The following OCA2 variants were observed in gnomAD, a reference collection of about 807,000 sequenced individuals.
OCA2 encodes the protein P protein.
OCA2 carries 77 observed loss-of-function variants against 100.2 expected under a neutral mutation model. The ratio of observed to expected loss-of-function variants is 0.77; its 90% CI spans 0.64 to 0.93. The LOEUF is 0.93. Among genes scored for constraint, OCA2 ranks in the 40% least tolerant of loss-of-function variants. The pLI is 0.00. For synonymous variants in OCA2, 432 were observed against 439.2 expected (o/e 0.98, Z 0.21); for missense variants, 1,062 against 1,089.1 (o/e 0.98, Z 0.35).
chr15:27,937,399 A>G (rs1472967096), intron 18 of OCA2, among the ~76,000 whole-genome samples: 1 of 152,202 alleles, frequency 6.6e-6, no homozygotes, highest in Non-Finnish European at 1.5e-5. Flanking sequence ...AAATGTACAT[A>G]TTTTTGTTGG....
At chr15:27,912,109 C>T (rs186320471) in intron 19 of OCA2, among the ~76,000 whole-genome samples, 6 of 152,228 alleles carry the variant, frequency 3.9e-5, no homozygotes, top group Admixed American at 3.9e-4. Flanking sequence ...GATTGGAATT[C>T]AGGGAATCAA....
chr15:27,759,281 C>G (rs1473212644), intron 23 of OCA2, among the ~76,000 whole-genome samples: 1 of 151,686 alleles, frequency 6.6e-6, no homozygotes, highest in Non-Finnish European at 1.5e-5. Context: ...GCAAACTTAC[C>G]CTAAAAGTAC....
chr15:27,947,959 G>C (rs889016443), intron 18 of OCA2, among the ~76,000 whole-genome samples: 3 of 152,170 alleles, frequency 2.0e-5, no homozygotes, highest in African/African-American at 7.2e-5. Context: ...AGCCACATAG[G>C]AAATTCCCCA....
intron 23 of OCA2, among the ~76,000 whole-genome samples, chr15:27,837,287 G>A (rs2035190444): frequency 1.3e-5 from 2 of 152,222 alleles, no homozygotes; most frequent in South Asian, 4.1e-4. Context: ...GTGGATTAGC[G>A]ATGCCACTGT....
intron 23 of OCA2, among the ~76,000 whole-genome samples, chr15:27,781,080 G>A (rs940709431): frequency 3.3e-5 from 5 of 152,140 alleles, no homozygotes; most frequent in African/African-American, 9.7e-5. Flanking sequence ...AAGCTCATTG[G>A]ACATCTCCAG....
At chr15:27,728,693 G>A in the OCA2 span, among the ~76,000 whole-genome samples, 1 of 152,112 alleles carries the variant, frequency 6.6e-6, no homozygotes, top group East Asian at 1.9e-4. Flanking sequence ...CTTCCTAAGG[G>A]CATTGTTAGA....
chr15:27,826,351 CCA>C (rs10535869), intron 23 of OCA2, among the ~76,000 whole-genome samples: 26,943 of 149,504 alleles, frequency 0.18, 3,163 homozygotes, highest in East Asian at 0.53. Flanking sequence ...AAGGAACTTC[CCA>C]CACACACACA....
chr15:27,911,962 T>A (rs1398261388), intron 19 of OCA2, among the ~76,000 whole-genome samples: 1 of 152,194 alleles, frequency 6.6e-6, no homozygotes, highest in Admixed American at 6.5e-5. Context: ...AATACTGTAG[T>A]TGAGTTAGTA....
chr15:27,871,069 C>T, intron 21 of OCA2, 85 bp downstream of exon 21: 1 of 1,009,436 alleles, frequency 9.9e-7, no homozygotes, highest in African/African-American at 1.6e-5. Context: ...CAGGCTTCAT[C>T]CTCTGCTGCC....
intron 1 of OCA2, among the ~76,000 whole-genome samples, chr15:28,084,200 C>T (rs151090307): frequency 0.016 from 2,412 of 152,320 alleles, 38 homozygotes; most frequent in Non-Finnish European, 0.024. Flanking sequence ...TCCCCAGACA[C>T]GGAATCTGTT....
chr15:27,753,508 T>C (rs1477261784), downstream of OCA2, among the ~76,000 whole-genome samples: 1 of 151,930 alleles, frequency 6.6e-6, no homozygotes, highest in Non-Finnish European at 1.5e-5. Context: ...CCGAGTCGGG[T>C]GGATCACGAG....
intron 23 of OCA2, among the ~76,000 whole-genome samples, chr15:27,835,802 T>C (rs922206033): frequency 2.0e-5 from 3 of 152,208 alleles, no homozygotes; most frequent in Admixed American, 2.0e-4. Context: ...CGATCTTCTC[T>C]CTTGGGCTCT....
At chr15:27,728,455 G>A in the OCA2 span, among the ~76,000 whole-genome samples, 1 of 151,996 alleles carries the variant, frequency 6.6e-6, no homozygotes, top group African/African-American at 2.4e-5. Flanking sequence ...TTTCCTGCCA[G>A]TAGAATTTTG....
intron 15 of OCA2, among the ~76,000 whole-genome samples, chr15:27,962,054 A>T (rs919765263): frequency 2.0e-5 from 3 of 152,244 alleles, no homozygotes; most frequent in Non-Finnish European, 4.4e-5. Flanking sequence ...TGATAGGAAG[A>T]TGACTGATAT....
intron 23 of OCA2, among the ~76,000 whole-genome samples, chr15:27,768,646 A>C (rs2031472800): frequency 6.6e-6 from 1 of 152,150 alleles, no homozygotes; most frequent in Non-Finnish European, 1.5e-5. Flanking sequence ...GCCAGCCTCG[A>C]GCTTTGGACT....
chr15:27,795,075 G>A (rs17746918), intron 23 of OCA2, among the ~76,000 whole-genome samples: 23,154 of 151,970 alleles, frequency 0.15, 2,900 homozygotes, highest in East Asian at 0.59. Context: ...GCTTACGTTC[G>A]TTCCATTCCA....
rs1335052434 is a variant in OCA2, at chr15:27,845,318, G to A, written c.2339-266C>T. Among the ~76,000 whole-genome samples the A allele has an allele frequency of 6.6e-5, 10 of 152,270 alleles. No homozygotes were observed. The South Asian group carries it at 1.9e-3, about 29-fold the overall frequency. ...AGTGGAGGAAAGCTAAGGAGAATGG[G>A]CAAGTCACTGTGGGGCTGTGTGTCT... On this transcript the variant is annotated intron_variant, in intron 22 of 23. Transcript: ENST00000354638.
chr15:27,856,295 A>G (rs1019975342), intron 21 of OCA2, among the ~76,000 whole-genome samples: 1 of 152,198 alleles, frequency 6.6e-6, no homozygotes, highest in East Asian at 1.9e-4. Flanking sequence ...TTAGGACCTC[A>G]GTATATGTTT....
At chr15:27,753,375 C>A (rs1206656548), downstream of OCA2, among the ~76,000 whole-genome samples, 2 of 151,028 alleles carry the variant, frequency 1.3e-5, no homozygotes, top group African/African-American at 4.9e-5. Flanking sequence ...GAATAGGAAC[C>A]TCGGGGGAGG....
Sources: gnomAD v4.1 joint callset for allele counts (sites outside exome capture counted in the v4.1 genomes callset) on GRCh38, gnomAD v4.1.1 for gene constraint, MANE v1.5 for transcripts, NCBI Gene and HGNC (gene_info 2026-07-23, HGNC 2026-07-21) for gene names.